The following TEC variants were observed in gnomAD, a reference collection of about 807,000 sequenced individuals.
TEC encodes tyrosine-protein kinase Tec.
A neutral mutation model predicts 93.0 loss-of-function variants in TEC; 72 were observed. The observed-to-expected ratio is 0.77, with a 90% CI of 0.64 to 0.94. TEC has a LOEUF of 0.94. TEC is among the 40% of genes least tolerant of loss of function. The pLI is 0.00. For synonymous variants in TEC, 249 were observed against 247.7 expected (o/e 1.01, Z -0.05); for missense variants, 630 against 757.9 (o/e 0.83, Z 1.98).
At chr4:48,152,234 T>G (rs1720202276) in intron 9 of TEC, among the ~76,000 whole-genome samples, 2 of 152,194 alleles carry the variant, frequency 1.3e-5, no homozygotes, top group Admixed American at 1.3e-4. Context: ...AAGACTAGCC[T>G]GGCCAACATG....
At chr4:48,200,669 G>C (rs1315054450) in intron 2 of TEC, among the ~76,000 whole-genome samples, 1 of 152,188 alleles carries the variant, frequency 6.6e-6, no homozygotes, top group Non-Finnish European at 1.5e-5. Flanking sequence ...GCTAAGTTCT[G>C]GTCAATGAGA....
At chr4:48,179,031 G>A (rs529139781) in intron 2 of TEC, among the ~76,000 whole-genome samples, 11 of 151,998 alleles carry the variant, frequency 7.2e-5, no homozygotes, top group African/African-American at 1.2e-4. Context: ...ACTCTTCTGC[G>A]CCCTTAGTGG....
intron 2 of TEC, among the ~76,000 whole-genome samples, chr4:48,180,036 G>A (rs1646397108): frequency 6.6e-6 from 1 of 152,092 alleles, no homozygotes; most frequent in Admixed American, 6.6e-5. Flanking sequence ...GTCAGATGTG[G>A]ATAAATAGAT....
At chr4:48,165,201 C>T (rs1720830442) in intron 7 of TEC, among the ~76,000 whole-genome samples, 1 of 152,078 alleles carries the variant, frequency 6.6e-6, no homozygotes, top group Non-Finnish European at 1.5e-5. Flanking sequence ...ATAATGGTGG[C>T]AATGGATTGG....
chr4:48,146,070 G>A (rs775481125), intron 12 of TEC, among the ~76,000 whole-genome samples: 19 of 152,112 alleles, frequency 1.2e-4, no homozygotes, highest in Admixed American at 3.9e-4. Context: ...ACCAGGAAGG[G>A]CTTTGATTTA....
intron 1 of TEC, among the ~76,000 whole-genome samples, chr4:48,260,132 G>A (rs1295243369): frequency 6.6e-6 from 1 of 152,182 alleles, no homozygotes; most frequent in Non-Finnish European, 1.5e-5. Context: ...AGTTTTATCT[G>A]ACCTATAACT....
intron 1 of TEC, among the ~76,000 whole-genome samples, chr4:48,238,755 G>C (rs2704411): frequency 6.6e-6 from 1 of 150,768 alleles, no homozygotes; most frequent in South Asian, 2.1e-4. Context: ...TTGCAGTAAA[G>C]TGTGGCCATC....
intron 9 of TEC, among the ~76,000 whole-genome samples, chr4:48,152,051 A>G (rs1486263642): frequency 1.3e-5 from 2 of 152,214 alleles, no homozygotes; most frequent in Non-Finnish European, 2.9e-5. Context: ...CTTGATAGGA[A>G]AAACAATGGA....
intron 2 of TEC, among the ~76,000 whole-genome samples, chr4:48,191,149 A>T (rs1290132765): frequency 6.6e-6 from 1 of 152,208 alleles, no homozygotes; most frequent in Non-Finnish European, 1.5e-5. Context: ...TCTTAAAATT[A>T]TTAGATTAAC....
At chr4:48,245,196 G>A (rs4695364) in intron 1 of TEC, among the ~76,000 whole-genome samples, 81,713 of 151,638 alleles carry the variant, frequency 0.54, 22,293 homozygotes, top group East Asian at 0.68. Flanking sequence ...AGGAGGCTGA[G>A]GCAGGAGAAT....
At chr4:48,139,869 G>A (rs1355139015) in intron 15 of TEC, among the ~76,000 whole-genome samples, 1 of 152,232 alleles carries the variant, frequency 6.6e-6, no homozygotes, top group Non-Finnish European at 1.5e-5. Context: ...AGACAAAGAT[G>A]GTGACTCGGC....
At chr4:48,163,666 T>C (rs1222621698) in intron 8 of TEC, 36 bp downstream of exon 8, 1 of 1,300,550 alleles carries the variant, frequency 7.7e-7, no homozygotes, top group Non-Finnish European at 1.1e-6. Context: ...GAAAAGTTTC[T>C]GATTTTCCAC....
chr4:48,153,963 A>G (rs79475037), intron 9 of TEC, among the ~76,000 whole-genome samples: 2,461 of 152,316 alleles, frequency 0.016, 65 homozygotes, highest in African/African-American at 0.053. Context: ...GGGCTTCTCT[A>G]AGAATTAAGA....
intron 2 of TEC, among the ~76,000 whole-genome samples, chr4:48,219,718 C>G (rs1471013179): frequency 6.6e-6 from 1 of 152,138 alleles, no homozygotes; most frequent in Admixed American, 6.5e-5. Context: ...TTGTCAATCA[C>G]TTAGAAGATT....
At chr4:48,225,491 C>T (rs1046531557) in intron 2 of TEC, among the ~76,000 whole-genome samples, 12 of 152,000 alleles carry the variant, frequency 7.9e-5, no homozygotes, top group African/African-American at 2.9e-4. Context: ...CATTCTTTTC[C>T]GAATCACAGC....
chr4:48,171,247 CACTT>C (rs779578301), intron 4 of TEC, 117 bp downstream of exon 4: 2 of 754,168 alleles, frequency 2.7e-6, no homozygotes, highest in Non-Finnish European at 4.2e-6. Flanking sequence ...CTTGGAGAAA[CACTT>C]ACTGTAGATT....
chr4:48,174,196 G>A (rs1332069326), intron 3 of TEC, among the ~76,000 whole-genome samples: 1 of 152,082 alleles, frequency 6.6e-6, no homozygotes, highest in East Asian at 1.9e-4. Flanking sequence ...GTAGTTCAGG[G>A]ATGGAATGCG....
intron 1 of TEC, among the ~76,000 whole-genome samples, chr4:48,236,934 C>T (rs1414211950): frequency 6.6e-6 from 1 of 152,152 alleles, no homozygotes; most frequent in African/African-American, 2.4e-5. Context: ...TATGGATATG[C>T]CAATGGCCCT....
intron 2 of TEC, among the ~76,000 whole-genome samples, chr4:48,216,776 TTA>T (rs111680643): frequency 1.2e-4 from 18 of 152,334 alleles, no homozygotes; most frequent in African/African-American, 4.3e-4. Context: ...CGGACAAGTT[TTA>T]TGACTAAATT....
Sources: allele counts gnomAD v4.1 joint callset (sites outside exome capture counted in the v4.1 genomes callset), GRCh38; gene constraint gnomAD v4.1.1; transcripts MANE v1.5; gene names NCBI Gene and HGNC (gene_info 2026-07-23, HGNC 2026-07-21).